The following BCAS3 variants were observed in gnomAD, a reference collection of about 807,000 sequenced individuals.
The protein encoded by BCAS3 is BCAS4/BCAS3 fusion.
In BCAS3, 53 loss-of-function variants were observed where a neutral mutation model predicts 116.1. The ratio of observed to expected loss-of-function variants is 0.46; its 90% CI spans 0.37 to 0.57. BCAS3 has a LOEUF of 0.57. BCAS3 is among the 20% of genes least tolerant of loss of function. The pLI, the probability that BCAS3 is intolerant of heterozygous loss-of-function variation, is 0.00. For missense variants in BCAS3, 917 were observed against 1,165.4 expected (o/e 0.79, Z 3.10); for synonymous variants, 391 against 408.2 (o/e 0.96, Z 0.51).
At chr17:60,793,369 A>G (rs2046941841) in intron 6 of BCAS3, among the ~76,000 whole-genome samples, 1 of 152,134 alleles carries the variant, frequency 6.6e-6, no homozygotes, top group African/African-American at 2.4e-5. Context: ...TGCTGGGATT[A>G]CAGGTGTGAG....
intron 22 of BCAS3, among the ~76,000 whole-genome samples, chr17:61,290,627 CA>C (rs1368127865): frequency 1.3e-5 from 2 of 152,116 alleles, no homozygotes; most frequent in African/African-American, 4.8e-5. Flanking sequence ...GTTTACTACC[CA>C]TTAGGGCTTG....
chr17:61,173,535 A>G (rs2078976776), intron 22 of BCAS3, among the ~76,000 whole-genome samples: 1 of 152,116 alleles, frequency 6.6e-6, no homozygotes, highest in Non-Finnish European at 1.5e-5. Context: ...TTAGAGGGAA[A>G]TTTATAACAC....
At chr17:60,896,170 A>G (rs1439010136) in intron 10 of BCAS3, among the ~76,000 whole-genome samples, 1 of 152,202 alleles carries the variant, frequency 6.6e-6, no homozygotes, top group Non-Finnish European at 1.5e-5. Context: ...TACTAAAAAT[A>G]CAAAAATAGC....
intron 5 of BCAS3, among the ~76,000 whole-genome samples, chr17:60,715,115 C>T (rs1193191844): frequency 3.3e-5 from 5 of 149,944 alleles, no homozygotes; most frequent in Non-Finnish European, 7.4e-5. Context: ...AAATGAAGTT[C>T]TGTACTCTTT....
intron 13 of BCAS3, among the ~76,000 whole-genome samples, chr17:60,929,563 ATTTG>A (rs1242349339): frequency 2.6e-5 from 4 of 151,874 alleles, no homozygotes; most frequent in Admixed American, 6.6e-5. Flanking sequence ...TTAATTTTTA[ATTTG>A]TTTATTTTAT....
chr17:60,871,143 A>G (rs1447652540), intron 8 of BCAS3, among the ~76,000 whole-genome samples: 1 of 151,992 alleles, frequency 6.6e-6, no homozygotes. Context: ...GATGTAGGTA[A>G]TTTATGAATT....
In BCAS3 at chr17:61,244,784, A is replaced by T. The variant is rs1401325522; in HGVS notation, c.2426-123543A>T. Among the ~76,000 whole-genome samples, 1 of 152,030 alleles carries T rather than the reference A, an allele frequency of 6.6e-6. No homozygotes were observed. The highest frequency in any genetic ancestry group is 2.4e-5 in the African/African-American group (1 of 41,362). On this transcript the variant is annotated intron_variant, in intron 22 of 23. Transcript: ENST00000407086. This position sits in a 1 kb window ranked among gnomAD's most constrained non-coding sequence, Gnocchi z 4.9. ...AGAATGAGGCAGGAGAATGGCATGA[A>T]CCCAGGAGGCAGAGCTTGCAGTGAG...
At chr17:61,192,983 G>T (rs962220353) in intron 22 of BCAS3, among the ~76,000 whole-genome samples, 2 of 152,120 alleles carry the variant, frequency 1.3e-5, no homozygotes, top group African/African-American at 4.8e-5. Flanking sequence ...AGGACACTGC[G>T]GGGCACTGTG....
At chr17:60,878,347 A>G (rs2055814148) in intron 9 of BCAS3, among the ~76,000 whole-genome samples, 1 of 152,138 alleles carries the variant, frequency 6.6e-6, no homozygotes, top group African/African-American at 2.4e-5. Flanking sequence ...TAATTTTAAT[A>G]TAGTTGTCAG....
intron 2 of BCAS3, 124 bp from the exon 3 acceptor site, chr17:60,683,855 CAAA>C (rs938951576): frequency 1.1e-5 from 9 of 843,494 alleles, no homozygotes; most frequent in African/African-American, 5.2e-5. Context: ...ACAAAACAAA[CAAA>C]AAAACCCCAA....
chr17:60,949,138 G>A (rs982151519), intron 14 of BCAS3, among the ~76,000 whole-genome samples: 2 of 152,194 alleles, frequency 1.3e-5, no homozygotes, highest in East Asian at 3.9e-4. Flanking sequence ...GCCTGCCAAA[G>A]TGCTGGGATT....
At chr17:60,733,848 A>G (rs2040704280) in intron 5 of BCAS3, among the ~76,000 whole-genome samples, 3 of 152,126 alleles carry the variant, frequency 2.0e-5, no homozygotes, top group Admixed American at 2.0e-4. Flanking sequence ...CCTTGTCTCA[A>G]AAAAAATCAG....
rs2067117346 is a variant in BCAS3, at chr17:61,037,360, T to C, written c.1763-529T>C. On this transcript the variant is annotated intron_variant, in intron 17 of 23. Coordinates refer to ENST00000407086, the MANE Select transcript of BCAS3 (RefSeq NM_017679.5). The surrounding 1 kb of genome is among the most constrained non-coding windows in gnomAD (Gnocchi z 4.7). ...TATTAGGATTTGGGGCATAGTAGTA[T>C]CATTCTTGAAGTAAGTTGCTTAAGA... Among the ~76,000 whole-genome samples the C allele has an allele frequency of 6.6e-6, 1 of 152,236 alleles. No individual in the cohort carries two copies. Among genetic ancestry groups the C allele is most frequent in the Non-Finnish European group, 1.5e-5 (1 of 68,040 alleles).
intron 4 of BCAS3, among the ~76,000 whole-genome samples, chr17:60,690,197 T>C (rs1318925637): frequency 1.3e-5 from 2 of 152,228 alleles, no homozygotes; most frequent in African/African-American, 4.8e-5. Context: ...TGCCTTTTTG[T>C]AACTGGCTTA....
chr17:61,182,872 C>G (rs983174382), intron 22 of BCAS3, among the ~76,000 whole-genome samples: 1 of 152,198 alleles, frequency 6.6e-6, no homozygotes, highest in Non-Finnish European at 1.5e-5. Context: ...CCGTGGGCCC[C>G]TTTTCACTGA....
At chr17:61,146,265 C>T (rs1261147590) in intron 22 of BCAS3, among the ~76,000 whole-genome samples, 1 of 151,334 alleles carries the variant, frequency 6.6e-6, no homozygotes, top group African/African-American at 2.4e-5. Context: ...AGCCACTACA[C>T]CCAGCTGATT....
At chr17:60,730,505 A>G (rs1233780398) in intron 5 of BCAS3, among the ~76,000 whole-genome samples, 4 of 152,276 alleles carry the variant, frequency 2.6e-5, no homozygotes, top group African/African-American at 9.6e-5. Flanking sequence ...TATACACAGT[A>G]GGTTACAGAG....
chr17:60,987,612 G>T (rs1292140489), intron 14 of BCAS3, among the ~76,000 whole-genome samples: 1 of 151,884 alleles, frequency 6.6e-6, no homozygotes, highest in Non-Finnish European at 1.5e-5. Flanking sequence ...GGATTACTTT[G>T]TAAATTTCTT....
At chr17:60,684,460 A>G (rs2033726780) in intron 3 of BCAS3, among the ~76,000 whole-genome samples, 1 of 152,116 alleles carries the variant, frequency 6.6e-6, no homozygotes, top group Non-Finnish European at 1.5e-5. Context: ...TTTTATGCCA[A>G]CTAAGGTATC....
Sources: allele counts gnomAD v4.1 joint callset (sites outside exome capture counted in the v4.1 genomes callset), GRCh38; gene constraint gnomAD v4.1.1; non-coding constraint Gnocchi (gnomAD v3.1); transcripts MANE v1.5; gene names NCBI Gene and HGNC (gene_info 2026-07-23, HGNC 2026-07-21).